The following PHF2 variants were observed in gnomAD, a reference collection of about 807,000 sequenced individuals.
PHF2 encodes PHD finger protein 2, also known as lysine-specific demethylase PHF2.
PHF2 carries 27 observed loss-of-function variants against 120.5 expected under a neutral mutation model. The ratio of observed to expected loss-of-function variants is 0.22; its 90% CI spans 0.17 to 0.31. The LOEUF (loss-of-function observed/expected upper bound fraction) is 0.31. PHF2 is among the 10% of genes least tolerant of loss of function. PHF2 has a pLI of 1.00. For synonymous variants in PHF2, 568 were observed against 592.5 expected (o/e 0.96, Z 0.60); for missense variants, 1,024 against 1,434.8 (o/e 0.71, Z 4.63).
At chr9:93,644,962 G>T (rs7033532) in intron 3 of PHF2, among the ~76,000 whole-genome samples, 10,518 of 152,210 alleles carry the variant, frequency 0.069, 432 homozygotes, top group Non-Finnish European at 0.088. Flanking sequence ...TCTTGTCCGG[G>T]TCCTTGGGTT....
At position 93,678,621 on chromosome 9, in the gene PHF2, C is replaced by T. The variant is rs564471261; in HGVS notation, c.*945C>T. 1 of 152,802 alleles carries T rather than the reference C, an allele frequency of 6.5e-6. No individual in the cohort carries two copies. The highest frequency in any genetic ancestry group is 1.5e-5 in the Non-Finnish European group (1 of 68,208). The allele number at this position is 152,802 out of a possible 1,614,324, so 9.5% of individuals were successfully genotyped here. Reference sequence around the variant, plus strand: ...GGGTCGTACCTGGATGGTGTGTCCACCATCGACACGGAGGGGCTGGATTTG... The same window carrying T: ...GGGTCGTACCTGGATGGTGTGTCCATCATCGACACGGAGGGGCTGGATTTG... On this transcript the variant is annotated 3_prime_UTR_variant, in exon 22 of 22. Transcript: ENST00000359246.
chr9:93,598,908 A>T (rs1825381303), intron 1 of PHF2, among the ~76,000 whole-genome samples: 1 of 151,838 alleles, frequency 6.6e-6, no homozygotes, highest in African/African-American at 2.4e-5. Flanking sequence ...TGGCCTCCAC[A>T]CCGTTATGGG....
chr9:93,655,894 G>T, intron 7 of PHF2, 40 bp from the exon 8 acceptor site: 2 of 1,493,992 alleles, frequency 1.3e-6, no homozygotes, highest in East Asian at 4.6e-5. Flanking sequence ...CCGTTCATGG[G>T]AGCAAGGTGG....
At chr9:93,658,427 C>T (rs1045636740) in intron 10 of PHF2, among the ~76,000 whole-genome samples, 191 bp downstream of exon 10, 2 of 152,132 alleles carry the variant, frequency 1.3e-5, no homozygotes, top group African/African-American at 4.8e-5. Context: ...TGGGTCCGTC[C>T]CCTGCTGTCC....
chr9:93,623,895 A>G (rs1363091478), intron 1 of PHF2, among the ~76,000 whole-genome samples: 1 of 152,364 alleles, frequency 6.6e-6, no homozygotes. Context: ...CTAGGGCCCA[A>G]GACCCTGGTG....
chr9:93,592,985 G>A (rs1021292649), intron 1 of PHF2, among the ~76,000 whole-genome samples: 4 of 151,414 alleles, frequency 2.6e-5, no homozygotes, highest in Admixed American at 1.3e-4. Context: ...AGAAGTCTAG[G>A]GCAGGGCACA....
chr9:93,662,271 A>G (rs111207197), intron 12 of PHF2, among the ~76,000 whole-genome samples: 4,142 of 151,918 alleles, frequency 0.027, 207 homozygotes, highest in African/African-American at 0.096. Flanking sequence ...GGATAAATGA[A>G]TGGATGGGTA....
At chr9:93,629,014 A>T (rs1825955999) in intron 1 of PHF2, among the ~76,000 whole-genome samples, 1 of 151,994 alleles carries the variant, frequency 6.6e-6, no homozygotes, top group Admixed American at 6.5e-5. Flanking sequence ...CTCCCACCTC[A>T]GCCTCCCGAA....
At chr9:93,591,624 T>C (rs747863842) in intron 1 of PHF2, among the ~76,000 whole-genome samples, 3 of 152,230 alleles carry the variant, frequency 2.0e-5, no homozygotes, top group Non-Finnish European at 4.4e-5. Context: ...ATGAAATCAC[T>C]GTAACAGAAT....
At chr9:93,623,065 G>A (rs902371428) in intron 1 of PHF2, among the ~76,000 whole-genome samples, 1 of 152,190 alleles carries the variant, frequency 6.6e-6, no homozygotes, top group African/African-American at 2.4e-5. Flanking sequence ...GCCTGGAGCA[G>A]CCAGGGGCCA....
In PHF2 at chr9:93,649,006, T is replaced by TC. The variant is rs1826309992; in HGVS notation, c.461-63dup. On this transcript the variant is annotated intron_variant, in intron 4 of 21. Transcript: ENST00000359246. Reference sequence around the variant, plus strand: ...CAAGAGTGTGTGTCCACTCCACACGTCCTGGCCTCAGGGAGGCTGTGCCGC... The same window carrying TC: ...CAAGAGTGTGTGTCCACTCCACACGTCCCTGGCCTCAGGGAGGCTGTGCCGC... 6.5e-6 allele frequency: 10 copies of TC among 1,535,910 alleles called. No homozygotes were observed. In the East Asian group the frequency reaches 2.5e-4, roughly 38 times the overall value.
chr9:93,639,752 C>T (rs114238172), intron 3 of PHF2, among the ~76,000 whole-genome samples: 4,372 of 152,200 alleles, frequency 0.029, 201 homozygotes, highest in African/African-American at 0.098. Context: ...TTGCTGCAGA[C>T]GTAAACTCAG....
chr9:93,606,247 G>A (rs1371068446), intron 1 of PHF2, among the ~76,000 whole-genome samples: 1 of 152,184 alleles, frequency 6.6e-6, no homozygotes, highest in African/African-American at 2.4e-5. Flanking sequence ...TAGGATTACA[G>A]GCTGGGCGCC....
intron 5 of PHF2, among the ~76,000 whole-genome samples, chr9:93,650,267 TCATACA>T (rs1826345075): frequency 6.6e-6 from 1 of 151,520 alleles, no homozygotes; most frequent in Non-Finnish European, 1.5e-5. Flanking sequence ...GTGGGCACAC[TCATACA>T]CAGACACTGA....
chr9:93,592,954 G>A (rs1825256237), intron 1 of PHF2, among the ~76,000 whole-genome samples: 1 of 151,954 alleles, frequency 6.6e-6, no homozygotes, highest in South Asian at 2.1e-4. Context: ...CCAGGCCCCA[G>A]GCCCTGCAGC....
chr9:93,633,487 G>A (rs1331595387), intron 2 of PHF2, among the ~76,000 whole-genome samples: 3 of 152,220 alleles, frequency 2.0e-5, no homozygotes, highest in Non-Finnish European at 4.4e-5. Context: ...GTGGGGTTGG[G>A]GTGACTCTGC....
rs752323379 is a variant in PHF2 at position 93,660,344 on chromosome 9, C to A, written c.1482C>A (p.Pro494=). 2.4e-5 allele frequency: 39 copies of A among 1,604,682 alleles called. No homozygotes were observed. Among genetic ancestry groups the A allele is most frequent in the Non-Finnish European group, 3.3e-5 (39 of 1,175,854 alleles). The change falls in exon 12 of 22, where the codon CCC becomes CCA. Residue 494 remains proline, a synonymous_variant. Transcript: ENST00000359246. The part of the protein sequence containing the change: ...LLEKVSKKKT[P]KTVKMPKPSK... ...AGAAAGTGTCCAAAAAAAAGACTCC[C>A]AAAACTGTGAAGATGCCCAAGCCAT...
chr9:93,648,565 A>G (rs1445402850), intron 4 of PHF2, among the ~76,000 whole-genome samples: 1 of 152,212 alleles, frequency 6.6e-6, no homozygotes. Flanking sequence ...TTTTATAAAG[A>G]AATTTTCCTC....
intron 1 of PHF2, among the ~76,000 whole-genome samples, chr9:93,620,467 G>T (rs905775023): frequency 6.6e-6 from 1 of 152,218 alleles, no homozygotes; most frequent in Non-Finnish European, 1.5e-5. Context: ...CCCCATGGGC[G>T]ACAACCTTTG....
Sources: gnomAD v4.1 joint callset for allele counts (sites outside exome capture counted in the v4.1 genomes callset) on GRCh38, gnomAD v4.1.1 for gene constraint, MANE v1.5 for transcripts, NCBI Gene and HGNC (gene_info 2026-07-23, HGNC 2026-07-21) for gene names.